PTK2: variants seen among roughly 807,000 people sequenced by gnomAD.
PTK2 encodes the protein focal adhesion kinase 1.
In PTK2, 45 loss-of-function variants were observed where a neutral mutation model predicts 150.1. That is an observed-to-expected ratio of 0.30 (90% CI 0.24 to 0.38). The LOEUF (loss-of-function observed/expected upper bound fraction) is 0.38. Ranked by LOEUF, PTK2 falls within the 10% of genes least tolerant of loss-of-function variation. The pLI is 1.00. For missense variants in PTK2, 919 were observed against 1,307.3 expected (o/e 0.70, Z 4.58); for synonymous variants, 432 against 449.2 (o/e 0.96, Z 0.48).
chr8:140,809,413 C>T (rs2100100105), intron 10 of PTK2, among the ~76,000 whole-genome samples: 1 of 152,150 alleles, frequency 6.6e-6, no homozygotes, highest in South Asian at 2.1e-4. Flanking sequence ...TTTAACAGAT[C>T]TATGAGAGGC....
chr8:140,902,206 G>C (rs1466127120), intron 2 of PTK2, among the ~76,000 whole-genome samples: 1 of 152,008 alleles, frequency 6.6e-6, no homozygotes, highest in Admixed American at 6.6e-5. Context: ...GCTAATTTTT[G>C]TATTTTTAGT....
At chr8:140,832,978 C>T (rs2100116403) in intron 7 of PTK2, 1 of 518,850 alleles carries the variant, frequency 1.9e-6, no homozygotes, top group Admixed American at 1.9e-5. Context: ...ATTAATCAAC[C>T]CAGCTACACA....
rs34658967 is a variant in PTK2, at chr8:140,928,957, A to ATTTTTTT, written c.-121-3215_-121-3209dup. 1.0e-3 allele frequency among the ~76,000 whole-genome samples: 93 copies of ATTTTTTT among 92,230 alleles called. 2 individuals carry two copies. Among genetic ancestry groups the ATTTTTTT allele is most frequent in the East Asian group, 3.1e-3 (8 of 2,612 alleles). 60.5% of individuals were successfully genotyped at this position (92,230 alleles called of 152,430 possible). ...TTTTTTAAAATTTATTTTTATCACA[A>ATTTTTTT]TTTTTTTTTTTTTTTTTTTTTTTTT... On this transcript the variant is annotated intron_variant, in intron 1 of 31. Transcript: ENST00000522684.
chr8:140,944,035 A>C (rs887859711), intron 1 of PTK2, among the ~76,000 whole-genome samples: 2 of 152,188 alleles, frequency 1.3e-5, no homozygotes, highest in Non-Finnish European at 1.5e-5. Flanking sequence ...GTAAAAATCT[A>C]AACTGCCTAC....
intron 1 of PTK2, among the ~76,000 whole-genome samples, chr8:140,967,669 AGGCTG>A (rs2100185792): frequency 1.3e-5 from 2 of 152,114 alleles, no homozygotes; most frequent in African/African-American, 4.8e-5. Context: ...CATGTTGGCC[AGGCTG>A]GTCTCCAACT....
intron 1 of PTK2, among the ~76,000 whole-genome samples, chr8:140,978,465 C>T (rs1394108271): frequency 2.0e-5 from 3 of 152,200 alleles, no homozygotes; most frequent in African/African-American, 7.2e-5. Context: ...TGAACAGACA[C>T]TTCTCAAAAG....
chr8:140,910,050 C>G (rs922694476), intron 2 of PTK2, among the ~76,000 whole-genome samples: 3 of 151,908 alleles, frequency 2.0e-5, no homozygotes, highest in Admixed American at 6.6e-5. Flanking sequence ...GTATACAACT[C>G]CATTATGAAG....
intron 2 of PTK2, among the ~76,000 whole-genome samples, chr8:140,897,286 A>C (rs761385967): frequency 1.3e-5 from 2 of 152,168 alleles, no homozygotes; most frequent in Admixed American, 1.3e-4. Flanking sequence ...TTAAAGATAA[A>C]CTTTTGTTAC....
intron 1 of PTK2, chr8:140,934,563 C>T (rs372014650): frequency 2.0e-5 from 3 of 152,186 alleles, no homozygotes; most frequent in Non-Finnish European, 2.9e-5. Context: ...ATTTACGTCA[C>T]GCCTCTGCTC....
intron 1 of PTK2, among the ~76,000 whole-genome samples, chr8:140,931,542 G>A (rs181567857): frequency 1.8e-4 from 27 of 152,206 alleles, no homozygotes; most frequent in Admixed American, 3.9e-4. Flanking sequence ...CATCAGCCTA[G>A]GTGACAGAAC....
intron 30 of PTK2, among the ~76,000 whole-genome samples, chr8:140,665,520 G>C (rs2090149651): frequency 6.6e-6 from 1 of 152,026 alleles, no homozygotes; most frequent in South Asian, 2.1e-4. Flanking sequence ...CATCTATTAG[G>C]CACACTGAGC....
intron 26 of PTK2, among the ~76,000 whole-genome samples, chr8:140,688,925 C>T (rs561596187): frequency 6.6e-6 from 1 of 152,210 alleles, no homozygotes; most frequent in East Asian, 1.9e-4. Context: ...ATGCAGTTGG[C>T]GACTATGGCA....
At chr8:140,701,306 T>TA (rs983075654) in intron 25 of PTK2, among the ~76,000 whole-genome samples, 42 of 152,258 alleles carry the variant, frequency 2.8e-4, no homozygotes, top group African/African-American at 9.4e-4. Flanking sequence ...TTACTTATAG[T>TA]AAAAAAGTAG....
intron 14 of PTK2, among the ~76,000 whole-genome samples, chr8:140,768,121 T>C (rs2100073445): frequency 6.6e-6 from 1 of 152,150 alleles, no homozygotes; most frequent in Non-Finnish European, 1.5e-5. Flanking sequence ...ATATACTAGA[T>C]GCTGTTGTAA....
At chr8:140,953,509 G>C (rs2100180185) in intron 1 of PTK2, among the ~76,000 whole-genome samples, 1 of 152,176 alleles carries the variant, frequency 6.6e-6, no homozygotes, top group Admixed American at 6.5e-5. Context: ...GGATATGCTG[G>C]ACAAAGGGAC....
chr8:140,803,716 T>C, intron 10 of PTK2, 66 bp from the exon 11 acceptor site: 2 of 1,408,490 alleles, frequency 1.4e-6, no homozygotes, highest in South Asian at 2.3e-5. Flanking sequence ...AGTCTGTAAA[T>C]GTTCTGTGAA....
rs965482252 is a variant in PTK2 at position 140,966,045 on chromosome 8, T to C, written c.-122+35080A>G. On this transcript the variant is annotated intron_variant, in intron 1 of 31. Coordinates refer to ENST00000522684, the Ensembl canonical transcript of PTK2. Reference sequence around the variant, plus strand: ...ATTTCTTCTTTCCATGCACTCTGCCTTTCCTGCCTTTCTATTAGGAGTGTA... The same window carrying C: ...ATTTCTTCTTTCCATGCACTCTGCCCTTCCTGCCTTTCTATTAGGAGTGTA... 5.8e-5 allele frequency among the ~76,000 whole-genome samples: 7 copies of C among 120,348 alleles called. No homozygotes were observed. The East Asian group carries it at 9.1e-4, about 16-fold the overall frequency. The allele number at this position is 120,348 out of a possible 152,430, so 79.0% of individuals were successfully genotyped here.
At chr8:140,738,952 A>C in intron 21 of PTK2, 66 bp downstream of exon 24, 1 of 1,115,774 alleles carries the variant, frequency 9.0e-7, no homozygotes, top group South Asian at 1.9e-5. Flanking sequence ...AAAAAGAGAT[A>C]ATTTTTTTTT....
intron 31 of PTK2, chr8:140,662,856 C>T (rs1169631011): frequency 2.3e-6 from 1 of 441,890 alleles, no homozygotes; most frequent in Non-Finnish European, 4.1e-6. Context: ...CTCAATCCAA[C>T]TTTAAGAATA....
Sources: gnomAD v4.1 joint callset for allele counts (sites outside exome capture counted in the v4.1 genomes callset) on GRCh38, gnomAD v4.1.1 for gene constraint, MANE v1.5 for transcripts, NCBI Gene and HGNC (gene_info 2026-07-23, HGNC 2026-07-21) for gene names.